Variants in MAST4 observed in about 807,000 individuals in gnomAD.
The protein encoded by MAST4 is microtubule-associated serine/threonine-protein kinase 4.
A neutral mutation model predicts 162.7 loss-of-function variants in MAST4; 89 were observed. The ratio of observed to expected loss-of-function variants is 0.55; its 90% CI spans 0.46 to 0.65. The LOEUF is 0.65. MAST4 is among the 30% of genes least tolerant of loss of function. The pLI, the probability that MAST4 is intolerant of heterozygous loss-of-function variation, is 0.00. For synonymous variants in MAST4, 1,479 were observed against 1,361.1 expected, an observed-to-expected ratio of 1.09 and a Z score of -1.91; for missense variants, 3,153 against 3,374.0, an observed-to-expected ratio of 0.93 and a Z score of 1.62.
At chr5:66,888,563 A>G (rs1304082357) in intron 3 of MAST4, among the ~76,000 whole-genome samples, 3 of 152,212 alleles carry the variant, frequency 2.0e-5, no homozygotes, top group Non-Finnish European at 4.4e-5. Context: ...TTCTTTTGGT[A>G]TTAAGGTTGT....
At chr5:66,745,702 T>G (rs573510197) in intron 1 of MAST4, among the ~76,000 whole-genome samples, 1 of 152,332 alleles carries the variant, frequency 6.6e-6, no homozygotes, top group South Asian at 2.1e-4. Flanking sequence ...TGCTTGTACC[T>G]GACTCTGTCC....
intron 4 of MAST4, among the ~76,000 whole-genome samples, chr5:66,925,367 T>C (rs1764823140): frequency 6.6e-6 from 1 of 152,200 alleles, no homozygotes; most frequent in Admixed American, 6.5e-5. Flanking sequence ...CCTTCAACTG[T>C]TGGTGATATT....
At chr5:66,761,587 G>A (rs1753852313) in intron 2 of MAST4, among the ~76,000 whole-genome samples, 1 of 151,176 alleles carries the variant, frequency 6.6e-6, no homozygotes, top group African/African-American at 2.4e-5. Flanking sequence ...GAGAACTATG[G>A]ATTTTGACGT....
intron 4 of MAST4, chr5:66,958,856 A>G (rs1252010212): frequency 4.0e-5 from 8 of 199,624 alleles, no homozygotes; most frequent in Non-Finnish European, 5.2e-5. Context: ...TTTTACAAGT[A>G]TGACACTGTT....
chr5:66,967,950 T>G (rs1746952484), intron 4 of MAST4, among the ~76,000 whole-genome samples: 1 of 152,152 alleles, frequency 6.6e-6, no homozygotes, highest in African/African-American at 2.4e-5. Context: ...AGGAGCTGTT[T>G]GTATAATGGT....
chr5:67,057,941 TA>T (rs11292115), intron 5 of MAST4, among the ~76,000 whole-genome samples: 38,436 of 137,970 alleles, frequency 0.28, 5,416 homozygotes, highest in African/African-American at 0.39. Flanking sequence ...ATTGCAATTA[TA>T]AAAAAAAAAA....
intron 14 of MAST4, among the ~76,000 whole-genome samples, chr5:67,122,972 T>A (rs912346652): frequency 2.0e-5 from 3 of 152,226 alleles, no homozygotes; most frequent in African/African-American, 7.2e-5. Context: ...CTTCTCAGAT[T>A]TAATCTCTCA....
intron 1 of MAST4, chr5:66,662,525 C>T (rs891257689): frequency 2.6e-5 from 4 of 152,102 alleles, no homozygotes; most frequent in Admixed American, 2.6e-4. Flanking sequence ...GTAGACACTT[C>T]GTAATATGCT....
intron 4 of MAST4, among the ~76,000 whole-genome samples, chr5:66,906,783 AT>A (rs762660747): frequency 3.3e-5 from 5 of 152,212 alleles, no homozygotes; most frequent in Non-Finnish European, 7.3e-5. Context: ...GACTACATTA[AT>A]AAATGTATGA....
chr5:66,960,171 G>A (rs1281477303), intron 4 of MAST4, among the ~76,000 whole-genome samples: 1 of 152,084 alleles, frequency 6.6e-6, no homozygotes, highest in Non-Finnish European at 1.5e-5. Context: ...ATCTCATACT[G>A]GACTGTCTGC....
intron 3 of MAST4, among the ~76,000 whole-genome samples, chr5:66,836,980 A>G (rs751882184): frequency 1.5e-4 from 23 of 149,742 alleles, no homozygotes; most frequent in Non-Finnish European, 2.8e-4. Flanking sequence ...ACACAGATAC[A>G]TAGACATACA....
At chr5:67,094,126 T>C in intron 6 of MAST4, 1 of 1,433,512 alleles carries the variant, frequency 7.0e-7, no homozygotes, top group Non-Finnish European at 9.5e-7. Flanking sequence ...TTTAACATAC[T>C]TGATTCATTT....
intron 1 of MAST4, among the ~76,000 whole-genome samples, chr5:66,741,271 TTTC>T (rs1050445641): frequency 1.3e-5 from 2 of 152,314 alleles, no homozygotes; most frequent in East Asian, 1.9e-4. Context: ...CATCTCCTGC[TTTC>T]TTCTTCTTCA....
At chr5:67,014,556 G>T (rs1410939330) in intron 4 of MAST4, among the ~76,000 whole-genome samples, 1 of 152,140 alleles carries the variant, frequency 6.6e-6, no homozygotes, top group Non-Finnish European at 1.5e-5. Flanking sequence ...TTACTGTGTG[G>T]CCTGTAAAAC....
At chr5:66,896,147 AATTT>A (rs1762668896) in intron 3 of MAST4, among the ~76,000 whole-genome samples, 1 of 152,086 alleles carries the variant, frequency 6.6e-6, no homozygotes, top group South Asian at 2.1e-4. Flanking sequence ...ACAGTTAGTC[AATTT>A]ATTCTTTTTT....
At chr5:66,649,362 G>A (rs142570103) in intron 1 of MAST4, among the ~76,000 whole-genome samples, 83 of 152,258 alleles carry the variant, frequency 5.5e-4, no homozygotes, top group African/African-American at 1.6e-3. Flanking sequence ...GGTTCTGTGC[G>A]TGTCTCTCCG....
intron 3 of MAST4, among the ~76,000 whole-genome samples, chr5:66,804,243 A>G (rs187404645): frequency 6.6e-6 from 1 of 152,216 alleles, no homozygotes; most frequent in African/African-American, 2.4e-5. Context: ...CGAAGTAGGA[A>G]TGTATATCAG....
At chr5:66,784,129 C>G (rs1755002005) in intron 2 of MAST4, among the ~76,000 whole-genome samples, 1 of 152,056 alleles carries the variant, frequency 6.6e-6, no homozygotes, top group East Asian at 1.9e-4. Context: ...TGGCTCCTTG[C>G]TTTTCAACCT....
At chr5:66,986,334 A>G in intron 4 of MAST4, 1 of 667,196 alleles carries the variant, frequency 1.5e-6, no homozygotes, top group East Asian at 3.6e-5. Context: ...CTTTTATAGA[A>G]AGTATGGATC....
Sources: gnomAD v4.1 joint callset for allele counts (sites outside exome capture counted in the v4.1 genomes callset) on GRCh38, gnomAD v4.1.1 for gene constraint, MANE v1.5 for transcripts, NCBI Gene and HGNC (gene_info 2026-07-23, HGNC 2026-07-21) for gene names.